The following USP6NL variants were observed in gnomAD, a reference collection of about 807,000 sequenced individuals.
USP6NL encodes USP6 N-terminal like.
USP6NL carries 26 observed loss-of-function variants against 61.9 expected under a neutral mutation model. The observed-to-expected ratio is 0.42, with a 90% CI of 0.31 to 0.58. USP6NL has a LOEUF of 0.58. Among genes scored for constraint, USP6NL ranks in the 20% least tolerant of loss-of-function variants. The pLI is 0.16. For missense variants in USP6NL, 1,114 were observed against 1,034.3 expected (o/e 1.08, Z -1.06); for synonymous variants, 432 against 390.1 (o/e 1.11, Z -1.27).
chr10:11,541,266 T>C (rs1455414202), intron 2 of USP6NL, among the ~76,000 whole-genome samples: 9 of 136,490 alleles, frequency 6.6e-5, no homozygotes, highest in Admixed American at 2.2e-4. Context: ...TATATATATA[T>C]ATATATATAT....
chr10:11,482,290 G>C lies in USP6NL; in HGVS notation c.926-368C>G, dbSNP rs546579585. Among the ~76,000 whole-genome samples the C allele has an allele frequency of 7.4e-4, 113 of 152,294 alleles. No homozygotes were observed. The highest frequency in any genetic ancestry group is 2.7e-3 in the African/African-American group (112 of 41,556). On this transcript the variant is annotated intron_variant, in intron 13 of 14. Coordinates refer to ENST00000609104, the MANE Select transcript of USP6NL (RefSeq NM_014688.5). The surrounding 1 kb of genome is among the most constrained non-coding windows in gnomAD (Gnocchi z 4.0). ...GAGGCCTTTCTCTTTTATTGATACG[G>C]AGCTCCAAGAAGCCCCATTTTAAGT...
intron 1 of USP6NL, among the ~76,000 whole-genome samples, chr10:11,609,576 T>C (rs1838814294): frequency 6.6e-6 from 1 of 152,240 alleles, no homozygotes; most frequent in Non-Finnish European, 1.5e-5. Context: ...TACATTAACA[T>C]TCCTCACACT....
Position 11,490,940 on chromosome 10 carries a change from A to G in USP6NL, c.495-60T>C. On this transcript the variant is annotated intron_variant, in intron 8 of 14. Coordinates refer to ENST00000609104, the MANE Select transcript of USP6NL (RefSeq NM_014688.5). The surrounding 1 kb of genome is among the most constrained non-coding windows in gnomAD (Gnocchi z 4.5). ...TAATTTCACATATTTTAAAAATTAC[A>G]AACTTAAAAAAATAAACCAAAGACT... The G allele has an allele frequency of 7.1e-7, 1 of 1,409,766 alleles. No homozygotes were observed. The highest frequency in any genetic ancestry group is 9.6e-7 in the Non-Finnish European group (1 of 1,046,212). The allele number at this position is 1,409,766 out of a possible 1,614,324, so 87.3% of individuals were successfully genotyped here. A position where few individuals can be genotyped will look rare whatever the true frequency, so the allele number is the denominator to read the frequency against.
In USP6NL at chr10:11,585,471, G is replaced by C. The variant is rs1050691874; in HGVS notation, c.4+12160C>G. Among the ~76,000 whole-genome samples the C allele has an allele frequency of 6.6e-6, 1 of 152,030 alleles. No homozygotes were observed. The highest frequency in any genetic ancestry group is 2.1e-4 in the South Asian group (1 of 4,824). Reference sequence around the variant, plus strand: ...AGGTCAGGAGATTGAGACCATCCTGGCTAACACAGTGAAACCCCGTGTCTA... The same window carrying C: ...AGGTCAGGAGATTGAGACCATCCTGCCTAACACAGTGAAACCCCGTGTCTA... On this transcript the variant is annotated intron_variant, in intron 2 of 14. Coordinates refer to ENST00000609104, the MANE Select transcript of USP6NL (RefSeq NM_014688.5). This position sits in a 1 kb window ranked among gnomAD's most constrained non-coding sequence, Gnocchi z 4.5.
intron 10 of USP6NL, among the ~76,000 whole-genome samples, chr10:11,486,609 C>T (rs768470905): frequency 6.6e-6 from 1 of 152,166 alleles, no homozygotes; most frequent in Non-Finnish European, 1.5e-5. Context: ...AGAAAGTCCA[C>T]TCAACAGACT....
At chr10:11,504,077 T>C (rs1834329778) in intron 6 of USP6NL, among the ~76,000 whole-genome samples, 2 of 152,172 alleles carry the variant, frequency 1.3e-5, no homozygotes, top group Admixed American at 1.3e-4. Context: ...ATCCAAGCAG[T>C]AGGAGGTGAC....
At chr10:11,541,877 T>C (rs1279309596) in intron 2 of USP6NL, among the ~76,000 whole-genome samples, 4 of 152,204 alleles carry the variant, frequency 2.6e-5, no homozygotes, top group African/African-American at 9.7e-5. Flanking sequence ...CACTATAAGT[T>C]AGAAAAAAAT....
chr10:11,535,142 C>G (rs1376321940), intron 2 of USP6NL, among the ~76,000 whole-genome samples: 1 of 152,158 alleles, frequency 6.6e-6, no homozygotes, highest in Non-Finnish European at 1.5e-5. Flanking sequence ...GGTTAACAAC[C>G]ATTTCTGGGG....
Position 11,489,187 on chromosome 10 carries a change from T to C in USP6NL, c.579A>G (p.Thr193=), listed in dbSNP as rs1262281340. 1.9e-6 allele frequency: 3 copies of C among 1,613,954 alleles called. No homozygotes were observed. The Admixed American group carries it at 5.0e-5, about 27-fold the overall frequency. Residue 193 remains threonine (T), a synonymous_variant, in exon 10 of 15, where the codon ACA becomes ACG. Transcript: ENST00000609104. The surrounding 1 kb of genome is among the most constrained non-coding windows in gnomAD (Gnocchi z 5.7). ...CGTTCATATACATGAGGAGTAAAGC[T>C]GTGATCTGGCTCATCCCCTGACAAT... The part of the protein sequence containing the change: ...VGYCQGMSQI[T]ALLLMYMNEE...
intron 2 of USP6NL, among the ~76,000 whole-genome samples, chr10:11,546,025 C>T (rs115881694): frequency 7.6e-4 from 115 of 152,302 alleles, no homozygotes; most frequent in African/African-American, 2.7e-3. Context: ...CTTTAATTGA[C>T]GATTTTTAAT....
rs1837499171 is a variant in USP6NL at position 11,575,177 on chromosome 10, A to G, written c.4+22454T>C. 6.6e-6 allele frequency among the ~76,000 whole-genome samples: 1 copy of G among 152,334 alleles called. No individual in the cohort carries two copies. The highest frequency in any genetic ancestry group is 2.1e-4 in the South Asian group (1 of 4,832). On this transcript the variant is annotated intron_variant, in intron 2 of 14. Coordinates refer to ENST00000609104, the MANE Select transcript of USP6NL (RefSeq NM_014688.5). This position sits in a 1 kb window ranked among gnomAD's most constrained non-coding sequence, Gnocchi z 4.2. ...AGATGGGTCAAAGACTAAGTTTTAA[A>G]CCTCAAGTCAAAACTGTGATCTTGA...
chr10:11,569,374 AT>A (rs1837279523), intron 2 of USP6NL, among the ~76,000 whole-genome samples: 3 of 152,208 alleles, frequency 2.0e-5, no homozygotes, highest in Non-Finnish European at 2.9e-5. Context: ...AAAAAACAGG[AT>A]GGAAGTAGAA....
At chr10:11,531,295 G>A (rs1835645966) in intron 2 of USP6NL, among the ~76,000 whole-genome samples, 2 of 151,992 alleles carry the variant, frequency 1.3e-5, no homozygotes, top group Non-Finnish European at 2.9e-5. Context: ...ACCATGTGCA[G>A]AAATATGTAG....
Position 11,465,396 on chromosome 10 carries a change from C to G in USP6NL, c.1079-1547G>C, listed in dbSNP as rs1017258251. ...ATGCATGCCTGAAGATGCACTGTCA[C>G]AGGGGCAAAACTGGATTCGCTGCAG... On this transcript the variant is annotated intron_variant, in intron 14 of 14. Transcript: ENST00000609104. The surrounding 1 kb of genome is among the most constrained non-coding windows in gnomAD (Gnocchi z 4.5). 2.0e-5 allele frequency among the ~76,000 whole-genome samples: 3 copies of G among 152,152 alleles called. No homozygotes were observed. The highest frequency in any genetic ancestry group is 4.4e-5 in the Non-Finnish European group (3 of 68,026).
rs1441278934 is a variant in USP6NL at position 11,481,074 on chromosome 10, C to T, written c.1078+696G>A. On this transcript the variant is annotated intron_variant, in intron 14 of 14. Coordinates refer to ENST00000609104, the MANE Select transcript of USP6NL (RefSeq NM_014688.5). The surrounding 1 kb of genome is among the most constrained non-coding windows in gnomAD (Gnocchi z 4.4). The stretch of plus-strand genomic sequence containing the variant: ...GCTAGCTCTAGTAATGCCCCATTCA[C>T]CCTCTGTTATCATTCTCGTATATTC... Among the ~76,000 whole-genome samples the T allele has an allele frequency of 6.6e-6, 1 of 152,142 alleles. No homozygotes were observed. Among genetic ancestry groups the T allele is most frequent in the Non-Finnish European group, 1.5e-5 (1 of 68,028 alleles).
intron 2 of USP6NL, among the ~76,000 whole-genome samples, chr10:11,566,653 C>T (rs1290268447): frequency 2.6e-5 from 4 of 152,216 alleles, no homozygotes; most frequent in Non-Finnish European, 4.4e-5. Flanking sequence ...TGCAATGTGG[C>T]TATTGAGTAC....
In USP6NL at chr10:11,499,657, G is replaced by T. The variant is rs563912699; in HGVS notation, c.384+1444C>A. 6.6e-6 allele frequency among the ~76,000 whole-genome samples: 1 copy of T among 152,162 alleles called. No homozygotes were observed. ...GCCAGGTGATAAGGAAGACAGGGAT[G>T]GAGCGATGCCAAAATGCACTAAGGA... On this transcript the variant is annotated intron_variant, in intron 7 of 14. Transcript: ENST00000609104. The surrounding 1 kb of genome is among the most constrained non-coding windows in gnomAD (Gnocchi z 4.5).
intron 14 of USP6NL, among the ~76,000 whole-genome samples, chr10:11,472,807 T>A (rs1223807579): frequency 6.6e-6 from 1 of 152,224 alleles, no homozygotes; most frequent in Non-Finnish European, 1.5e-5. Context: ...ATAGTTGGGT[T>A]CATAGGCTTG....
chr10:11,588,989 A>T (rs1838070990), intron 2 of USP6NL, among the ~76,000 whole-genome samples: 1 of 152,182 alleles, frequency 6.6e-6, no homozygotes, highest in Admixed American at 6.5e-5. Context: ...ACAAGGTCTC[A>T]CTAACACTGA....
Sources: allele counts gnomAD v4.1 joint callset (sites outside exome capture counted in the v4.1 genomes callset), GRCh38; gene constraint gnomAD v4.1.1; non-coding constraint Gnocchi (gnomAD v3.1); transcripts MANE v1.5; gene names NCBI Gene and HGNC (gene_info 2026-07-23, HGNC 2026-07-21).